PCDHGA10: variants seen among roughly 807,000 people sequenced by gnomAD.
PCDHGA10 encodes protocadherin gamma subfamily A, 10.
A neutral mutation model predicts 59.5 loss-of-function variants in PCDHGA10; 42 were observed. The ratio of observed to expected loss-of-function variants is 0.71; its 90% CI spans 0.55 to 0.91. PCDHGA10 has a LOEUF of 0.91. Among genes scored for constraint, PCDHGA10 ranks in the 40% least tolerant of loss-of-function variants. The probability of loss-of-function intolerance (pLI) is 0.00; values close to 1 mark genes in which losing one functional copy is unlikely to be tolerated. For synonymous variants in PCDHGA10, 511 were observed against 517.2 expected (o/e 0.99, Z 0.16); for missense variants, 1,111 against 1,198.2 (o/e 0.93, Z 1.07).
chr5:141,435,990 T>C (rs1175877769), intron 1 of PCDHGA10, among the ~76,000 whole-genome samples: 1 of 152,162 alleles, frequency 6.6e-6, no homozygotes, highest in Non-Finnish European at 1.5e-5. Flanking sequence ...TTGTGTGATT[T>C]TTTGAAAGAA....
chr5:141,440,959 G>A (rs1313315196), intron 1 of PCDHGA10: 1 of 152,216 alleles, frequency 6.6e-6, no homozygotes, highest in Non-Finnish European at 1.5e-5. Flanking sequence ...TCAAGGCAGA[G>A]ATCACATATG....
chr5:141,434,401 T>C (rs1036239430), intron 1 of PCDHGA10, among the ~76,000 whole-genome samples: 2 of 152,242 alleles, frequency 1.3e-5, no homozygotes. Context: ...ACAAAATCTC[T>C]GCAGCACTGT....
At chr5:141,484,499 A>G (rs567556335) in intron 1 of PCDHGA10, among the ~76,000 whole-genome samples, 20 of 152,344 alleles carry the variant, frequency 1.3e-4, no homozygotes, top group African/African-American at 4.6e-4. Flanking sequence ...CCGTTTCTGA[A>G]TATTCTGCAG....
chr5:141,485,274 C>T lies in PCDHGA10; in HGVS notation c.2437-9533C>T. On this transcript the variant is annotated intron_variant, in intron 1 of 3. Transcript: ENST00000398610. The surrounding 1 kb of genome is among the most constrained non-coding windows in gnomAD (Gnocchi z 5.7). Reference sequence around the variant, plus strand: ...TACGTTTGTGGGCAGATCCGCTACCCGGTCCCAGAGGAGTCACAGGAAGGG... The same window carrying T: ...TACGTTTGTGGGCAGATCCGCTACCTGGTCCCAGAGGAGTCACAGGAAGGG... The T allele has an allele frequency of 6.2e-7, 1 of 1,614,106 alleles. No individual in the cohort carries two copies. Among genetic ancestry groups the T allele is most frequent in the South Asian group, 1.1e-5 (1 of 91,086 alleles).
At position 141,497,209 on chromosome 5, in the gene PCDHGA10, T is replaced by TG. The variant is rs11343387; in HGVS notation, c.2495+2353dup. On this transcript the variant is annotated intron_variant, in intron 2 of 3. Coordinates refer to ENST00000398610, the MANE Select transcript of PCDHGA10 (RefSeq NM_018913.3). ...GAGGCAGAGAACAATGTGAGTGTAA[T>TG]GGGGGGGGGAAGATCAGAGAAGGCT... Among the ~76,000 whole-genome samples the TG allele has an allele frequency of 1.3e-3, 196 of 151,342 alleles. 1 individual carries two copies. The South Asian group carries it at 0.02, about 15-fold the overall frequency.
In PCDHGA10 at chr5:141,487,822, G is replaced by T. The variant is rs1406642768; in HGVS notation, c.2437-6985G>T. ...TGTCACAGTTTAGCATTGGGGGCGG[G>T]TCATGCCTATATCTGAGTAAGAAAT... On this transcript the variant is annotated intron_variant, in intron 1 of 3. Coordinates refer to ENST00000398610, the MANE Select transcript of PCDHGA10 (RefSeq NM_018913.3). This position sits in a 1 kb window ranked among gnomAD's most constrained non-coding sequence, Gnocchi z 5.0. The T allele has an allele frequency of 3.1e-6, 4 of 1,278,640 alleles. No homozygotes were observed. The East Asian group carries it at 7.6e-5, about 24-fold the overall frequency. 79.2% of individuals were successfully genotyped at this position (1,278,640 alleles called of 1,614,324 possible). A position where few individuals can be genotyped will look rare whatever the true frequency, so the allele number is the denominator to read the frequency against.
chr5:141,446,075 A>G (rs907731619), intron 1 of PCDHGA10, among the ~76,000 whole-genome samples: 1 of 152,216 alleles, frequency 6.6e-6, no homozygotes, highest in Admixed American at 6.5e-5. Context: ...GAGGCAGTGG[A>G]TGTAGAAATA....
intron 1 of PCDHGA10, among the ~76,000 whole-genome samples, chr5:141,467,882 C>T (rs1278937609): frequency 6.6e-6 from 1 of 152,036 alleles, no homozygotes; most frequent in East Asian, 1.9e-4. Context: ...TGGTCTCAAA[C>T]TCCTGAGCTC....
At chr5:141,427,222 A>T (rs536161247) in intron 1 of PCDHGA10, 8 of 456,774 alleles carry the variant, frequency 1.8e-5, no homozygotes, top group Non-Finnish European at 3.5e-5. Flanking sequence ...CGTAGCAGTT[A>T]TACCATGAGA....
intron 1 of PCDHGA10, among the ~76,000 whole-genome samples, chr5:141,452,835 C>A (rs2098750110): frequency 6.6e-6 from 1 of 152,154 alleles, no homozygotes; most frequent in Admixed American, 6.5e-5. Flanking sequence ...TCACTTGGTC[C>A]AGCCCACACT....
intron 2 of PCDHGA10, among the ~76,000 whole-genome samples, chr5:141,500,035 CTT>C: frequency 6.6e-6 from 1 of 152,100 alleles, no homozygotes; most frequent in East Asian, 1.9e-4. Flanking sequence ...GTGAGTGTCT[CTT>C]AAGTATCTTA....
intron 1 of PCDHGA10, among the ~76,000 whole-genome samples, chr5:141,467,397 TAGAA>T (rs1326936900): frequency 6.6e-6 from 1 of 152,106 alleles, no homozygotes; most frequent in Non-Finnish European, 1.5e-5. Flanking sequence ...AAGTCATAGT[TAGAA>T]AGCCTTTCCC....
chr5:141,455,961 G>C (rs1447678052), intron 1 of PCDHGA10, among the ~76,000 whole-genome samples: 1 of 150,954 alleles, frequency 6.6e-6, no homozygotes, highest in African/African-American at 2.4e-5. Context: ...GCAGTGGCGC[G>C]ATCTCAGCTC....
intron 1 of PCDHGA10, among the ~76,000 whole-genome samples, chr5:141,472,516 G>T (rs545962540): frequency 2.0e-5 from 3 of 152,072 alleles, no homozygotes; most frequent in Non-Finnish European, 4.4e-5. Flanking sequence ...CTCCAGCCTG[G>T]GTGACAGAGT....
intron 1 of PCDHGA10, among the ~76,000 whole-genome samples, chr5:141,447,221 C>A (rs1034853072): frequency 6.6e-6 from 1 of 152,026 alleles, no homozygotes; most frequent in Non-Finnish European, 1.5e-5. Context: ...CTCACTGCAA[C>A]CTCCGCCTCC....
At chr5:141,434,691 A>G (rs1263712056) in intron 1 of PCDHGA10, among the ~76,000 whole-genome samples, 2 of 152,150 alleles carry the variant, frequency 1.3e-5, no homozygotes. Flanking sequence ...GCTTGCTGTT[A>G]ATAAATATGT....
At chr5:141,440,221 C>A (rs557068282) in intron 1 of PCDHGA10, 2 of 152,450 alleles carry the variant, frequency 1.3e-5, no homozygotes, top group Admixed American at 6.5e-5. Context: ...GTAATCCCAG[C>A]ACTTTGGGAG....
At position 141,428,173 on chromosome 5, in the gene PCDHGA10, C is replaced by T. The variant is rs192741775; in HGVS notation, c.2436+12562C>T. The T allele has an allele frequency of 3.3e-6, 5 of 1,514,730 alleles. No homozygotes were observed. In the East Asian group the frequency reaches 9.1e-5, roughly 28 times the overall value. 93.8% of individuals were successfully genotyped at this position (1,514,730 alleles called of 1,614,324 possible). A position where few individuals can be genotyped will look rare whatever the true frequency, so the allele number is the denominator to read the frequency against. On this transcript the variant is annotated intron_variant, in intron 1 of 3. Transcript: ENST00000398610. ...GGAACCTGCTGGTTGCTGTGCGTGA[C>T]GGAGGACAGCCGCCGCTCTCTGCGC... is the stretch of plus-strand genomic sequence containing the variant.
At chr5:141,418,667 G>A (rs1561775322) in intron 1 of PCDHGA10, 1 of 1,614,036 alleles carries the variant, frequency 6.2e-7, no homozygotes, top group Admixed American at 1.7e-5. Flanking sequence ...CACTGACCAG[G>A]ACGAGGGCAT....
Sources: allele counts gnomAD v4.1 joint callset (sites outside exome capture counted in the v4.1 genomes callset), GRCh38; gene constraint gnomAD v4.1.1; non-coding constraint Gnocchi (gnomAD v3.1); transcripts MANE v1.5; gene names NCBI Gene and HGNC (gene_info 2026-07-23, HGNC 2026-07-21).